The following CAPN15 variants were observed in gnomAD, a reference collection of about 807,000 sequenced individuals.
The protein encoded by CAPN15 is calpain 15.
A neutral mutation model predicts 97.9 loss-of-function variants in CAPN15; 53 were observed. That is an observed-to-expected ratio of 0.54 (90% CI 0.43 to 0.68). CAPN15 has a LOEUF of 0.68. Ranked by LOEUF, CAPN15 falls within the 30% of genes least tolerant of loss-of-function variation. The pLI is 0.00. For synonymous variants in CAPN15, 922 were observed against 722.5 expected (o/e 1.28, Z -4.43); for missense variants, 1,592 against 1,589.8 (o/e 1.00, Z -0.02).
chr16:548,920 G>A, intron 4 of CAPN15, 73 bp from the exon 5 acceptor site: 1 of 1,405,092 alleles, frequency 7.1e-7, no homozygotes, highest in Non-Finnish European at 1.0e-6. Flanking sequence ...GCTCTCCTGG[G>A]TGGGGTCTTG....
In CAPN15 at chr16:552,715, A is replaced by G; in HGVS notation, c.2848A>G (p.Thr950Ala). 6.5e-7 allele frequency: 1 copy of G among 1,543,070 alleles called. No individual in the cohort carries two copies. Residue 950 changes from threonine (T) to alanine (A), a missense_variant, in exon 12 of 14, where the codon ACC (threonine) becomes GCC (alanine). By Grantham distance (58) the Thr-to-Ala change is moderately conservative. Transcript: ENST00000219611. This position sits in a 1 kb window ranked among gnomAD's most constrained non-coding sequence, Gnocchi z 6.4. ...GGTGGAGCCCGTGGAAGCCCAGCCG[A>G]CCACGCTGGCCGACGCCATCATCCT... ...VMVEPVEAQP[T>A]TLADAIILLT... is the part of the protein sequence containing the mutation.
chr16:541,682 GTCA>G (rs995053799), intron 3 of CAPN15, among the ~76,000 whole-genome samples: 2 of 152,242 alleles, frequency 1.3e-5, no homozygotes. Flanking sequence ...TTGTGCAGCC[GTCA>G]TTGCAATCCA....
rs9930306 is a variant in CAPN15, at chr16:552,063, C to T, written c.2358C>T (p.Ser786=). The change falls in exon 10 of 14, where the codon TCC becomes TCT. Residue 786 remains serine, a synonymous_variant. Coordinates refer to ENST00000219611, the MANE Select transcript of CAPN15 (RefSeq NM_005632.3). This position sits in a 1 kb window ranked among gnomAD's most constrained non-coding sequence, Gnocchi z 6.4. ...CCGCCACCTGCAGGTACTTCGACTCCGTGGACATCTGTAAGGTGCACTCGG... is the reference window on the plus strand; with the variant it reads ...CCGCCACCTGCAGGTACTTCGACTCTGTGGACATCTGTAAGGTGCACTCGG... ...EYGDFVRYFD[S]VDICKVHSDW... is the part of the protein sequence containing the mutation. 402 of 1,548,842 alleles carry T rather than the reference C, an allele frequency of 2.6e-4. No individual in the cohort carries two copies. The highest frequency in any genetic ancestry group is 2.5e-3 in the African/African-American group (182 of 73,118).
chr16:544,846 CA>C, intron 3 of CAPN15, among the ~76,000 whole-genome samples: 1 of 85,138 alleles, frequency 1.2e-5, no homozygotes, highest in Admixed American at 1.1e-4. Flanking sequence ...TCGCCTCCCC[CA>C]CGTCGCCTCC....
chr16:552,600 T>C lies in CAPN15; in HGVS notation c.2738-5T>C, dbSNP rs1335164674. 2 of 1,542,344 alleles carry C rather than the reference T, an allele frequency of 1.3e-6. No individual in the cohort carries two copies. The highest frequency in any genetic ancestry group is 2.3e-5 in the South Asian group (2 of 85,362). On this transcript the variant is annotated splice_polypyrimidine_tract_variant and splice_region_variant and intron_variant, in intron 11 of 13. Transcript: ENST00000219611. This position sits in a 1 kb window ranked among gnomAD's most constrained non-coding sequence, Gnocchi z 6.4. ...GGGCTGCGGTTCACACGCCCGTCCT[T>C]GTAGCCTCCAGCCCCTCGGCAGGGG...
intron 1 of CAPN15, among the ~76,000 whole-genome samples, chr16:531,618 GGGGT>G (rs2033265620): frequency 6.9e-6 from 1 of 144,432 alleles, no homozygotes; most frequent in Non-Finnish European, 1.5e-5. Context: ...CTCCTTCTCT[GGGGT>G]GACAGGTGCC....
chr16:528,853 C>T, intron 1 of CAPN15: 1 of 773,380 alleles, frequency 1.3e-6, no homozygotes, highest in Non-Finnish European at 1.6e-6. Context: ...AAACCCGGAT[C>T]TCTTCCTCTG....
At chr16:540,288 G>C (rs1029467929) in intron 3 of CAPN15, 33 of 985,422 alleles carry the variant, frequency 3.3e-5, no homozygotes, top group Non-Finnish European at 3.7e-5. Flanking sequence ...CGGCTGGCTG[G>C]TGTAGGAGCG....
Position 547,532 on chromosome 16 carries a change from T to A in CAPN15, c.694T>A (p.Phe232Ile), listed in dbSNP as rs766433198. 6.3e-6 allele frequency: 10 copies of A among 1,597,680 alleles called. No individual in the cohort carries two copies. Among genetic ancestry groups the A allele is most frequent in the Non-Finnish European group, 7.6e-6 (9 of 1,178,886 alleles). Residue 232 changes from phenylalanine to isoleucine, a missense_variant, in exon 4 of 14, where the codon TTC becomes ATC. Coordinates refer to ENST00000219611, the MANE Select transcript of CAPN15 (RefSeq NM_005632.3). Reference sequence around the variant, plus strand: ...ACCAGAGCCGCCCAGGGTCCCGCCCTTCAGCCCCTTCTCGTCCACCCTGCA... The same window carrying A: ...ACCAGAGCCGCCCAGGGTCCCGCCCATCAGCCCCTTCTCGTCCACCCTGCA... ...AEPEPPRVPP[F>I]SPFSSTLQNN...
intron 3 of CAPN15, chr16:537,584 G>GT (rs1343539626): frequency 1.2e-5 from 4 of 328,874 alleles, no homozygotes; most frequent in Non-Finnish European, 1.7e-5. Flanking sequence ...ACCTCCGCTA[G>GT]TCGCCGCTCC....
At chr16:540,258 C>G (rs996133489) in intron 3 of CAPN15, 1 of 985,348 alleles carries the variant, frequency 1.0e-6, no homozygotes, top group Admixed American at 6.1e-5. Context: ...GGGGACCGCC[C>G]TACCCGGGTC....
At chr16:551,861 T>A in intron 9 of CAPN15, 190 bp from the exon 10 acceptor site, 1 of 977,966 alleles carries the variant, frequency 1.0e-6, no homozygotes, top group Non-Finnish European at 1.6e-6. Flanking sequence ...TCCAGCGCCC[T>A]GAAGAGCCGG....
chr16:554,376 AGCGG>A lies in CAPN15; in HGVS notation c.*863_*866del, dbSNP rs1205075707. On this transcript the variant is annotated 3_prime_UTR_variant, in exon 14 of 14. Coordinates refer to ENST00000219611, the MANE Select transcript of CAPN15 (RefSeq NM_005632.3). Reference sequence around the variant, plus strand: ...GCCCTCCTGGCCCCTCACTCCCGGCAGCGGGCCGGCCTCGCCCCCACTCCCCCTC... The same window carrying A: ...GCCCTCCTGGCCCCTCACTCCCGGCAGCCGGCCTCGCCCCCACTCCCCCTC... 1 of 393,480 alleles carries A rather than the reference AGCGG, an allele frequency of 2.5e-6. No individual in the cohort carries two copies. Among genetic ancestry groups the A allele is most frequent in the Non-Finnish European group, 5.1e-6 (1 of 197,800 alleles). The allele number at this position is 393,480 out of a possible 1,614,324, so 24.4% of individuals were successfully genotyped here. A position where few individuals can be genotyped will look rare whatever the true frequency, so the allele number is the denominator to read the frequency against.
chr16:531,732 G>T lies in CAPN15; in HGVS notation c.-189-2214G>T, dbSNP rs533500777. Among the ~76,000 whole-genome samples, 11 of 151,066 alleles carry T rather than the reference G, an allele frequency of 7.3e-5. No homozygotes were observed. The South Asian group carries it at 2.3e-3, about 32-fold the overall frequency. ...CCAAGGCCTCCGTCTCCTTCTCTGG[G>T]ATGACAGGTGCCCAGGGCCACACGG... On this transcript the variant is annotated intron_variant, in intron 1 of 13. Transcript: ENST00000219611.
Position 554,034 on chromosome 16 carries a change from G to C in CAPN15, c.*518G>C, listed in dbSNP as rs565728236. Reference sequence around the variant, plus strand: ...GGTGTGGAGCGGCGAGTCCCGGGGCGGTGCCTGTCTCAGAAGAAGGGGCCC... The same window carrying C: ...GGTGTGGAGCGGCGAGTCCCGGGGCCGTGCCTGTCTCAGAAGAAGGGGCCC... On this transcript the variant is annotated 3_prime_UTR_variant, in exon 14 of 14. Transcript: ENST00000219611. 1.7e-5 allele frequency: 3 copies of C among 178,734 alleles called. No homozygotes were observed. Among genetic ancestry groups the C allele is most frequent in the Non-Finnish European group, 3.5e-5 (3 of 84,788 alleles). 11.1% of individuals were successfully genotyped at this position (178,734 alleles called of 1,614,324 possible).
intron 7 of CAPN15, among the ~76,000 whole-genome samples, chr16:550,809 G>GT (rs1400716965): frequency 7.7e-5 from 10 of 129,604 alleles, no homozygotes; most frequent in Non-Finnish European, 9.4e-5. Flanking sequence ...GTCGGTGAGG[G>GT]CCCCGGTCGG....
Position 547,738 on chromosome 16 carries a change from A to G in CAPN15, c.900A>G (p.Glu300=), listed in dbSNP as rs749841396. The change falls in exon 4 of 14, where the codon GAA becomes GAG. Residue 300 remains glutamate (E), a synonymous_variant. Coordinates refer to ENST00000219611, the MANE Select transcript of CAPN15 (RefSeq NM_005632.3). ...LSGKRLSVLE[E]EATEGGTSRV... Reference sequence around the variant, plus strand: ...GCAAGCGGCTGAGTGTGCTGGAGGAAGAGGCCACGGAGGGTGGCACCAGCC... The same window carrying G: ...GCAAGCGGCTGAGTGTGCTGGAGGAGGAGGCCACGGAGGGTGGCACCAGCC... 14 of 1,605,104 alleles carry G rather than the reference A, an allele frequency of 8.7e-6. No homozygotes were observed. The highest frequency in any genetic ancestry group is 5.3e-5 in the African/African-American group (4 of 74,820).
chr16:551,326 CG>C lies in CAPN15; in HGVS notation c.2096del (p.Gly699AlafsTer3), dbSNP rs2035064750. ...GGTTCCTCATGGGTGCCTCCTGTGG[CG>C]GGGGCAACATGAAGGTGGACGATTC... Reference protein sequence around the residue: ...AGFLMGASCGGGNMKVDDSAY... With the variant: ...AGFLMGASCGXGNMKVDDSAY... On this transcript the variant is annotated frameshift_variant, in exon 8 of 14. Coordinates refer to ENST00000219611, the MANE Select transcript of CAPN15 (RefSeq NM_005632.3). LOFTEE classifies it high-confidence loss of function. The C allele has an allele frequency of 2.5e-6, 4 of 1,604,372 alleles. No individual in the cohort carries two copies. The highest frequency in any genetic ancestry group is 1.7e-6 in the Non-Finnish European group (2 of 1,175,482).
chr16:553,453 G>A lies in CAPN15; in HGVS notation c.3198G>A (p.Lys1066=), dbSNP rs1251385121. ...TCCTCAGTGACTGGACAGCCTCCAA[G>A]GGGACCCACAGCCCCCCACTCACGC... is the stretch of plus-strand genomic sequence containing the variant. ...QAFLSDWTAS[K]GTHSPPLTPE... Residue 1066 remains lysine (K), a synonymous_variant, in exon 14 of 14, where the codon AAG becomes AAA. Transcript: ENST00000219611. 3 of 1,611,400 alleles carry A rather than the reference G, an allele frequency of 1.9e-6. No homozygotes were observed. Among genetic ancestry groups the A allele is most frequent in the Non-Finnish European group, 2.5e-6 (3 of 1,179,352 alleles).
Sources: allele counts gnomAD v4.1 joint callset (sites outside exome capture counted in the v4.1 genomes callset), GRCh38; gene constraint gnomAD v4.1.1; non-coding constraint Gnocchi (gnomAD v3.1); transcripts MANE v1.5; gene names NCBI Gene and HGNC (gene_info 2026-07-23, HGNC 2026-07-21).